REL: variants seen among roughly 807,000 people sequenced by gnomAD.
The protein encoded by REL is REL proto-oncogene, NF-kB subunit, also known as proto-oncogene c-Rel.
A neutral mutation model predicts 45.9 loss-of-function variants in REL; 15 were observed. The observed-to-expected ratio is 0.33, with a 90% CI of 0.22 to 0.50. The LOEUF (loss-of-function observed/expected upper bound fraction) is 0.50, where lower values mean the gene tolerates loss of function less well. REL is among the 20% of genes least tolerant of loss of function. The pLI is 0.98. For synonymous variants in REL, 239 were observed against 242.1 expected, an observed-to-expected ratio of 0.99 and a Z score of 0.12; for missense variants, 601 against 715.2, an observed-to-expected ratio of 0.84 and a Z score of 1.82.
chr2:60,907,725 C>G (rs920055671), intron 4 of REL, among the ~76,000 whole-genome samples: 1 of 150,960 alleles, frequency 6.6e-6, no homozygotes, highest in African/African-American at 2.4e-5. Context: ...GAGTCTCGCT[C>G]TGTTGCCCAG....
At chr2:60,919,821 A>G (rs1674086809) in intron 7 of REL, among the ~76,000 whole-genome samples, 2 of 152,172 alleles carry the variant, frequency 1.3e-5, no homozygotes, top group Admixed American at 6.5e-5. Context: ...TCAGCCTCCC[A>G]AAGTGCTGAG....
In REL at chr2:60,930,552, GAGTTT is replaced by G. The variant is rs1358277912; in HGVS notation, c.*8022_*8026del. The G allele has an allele frequency of 9.2e-5, 14 of 152,394 alleles. No individual in the cohort carries two copies. Among genetic ancestry groups the G allele is most frequent in the Admixed American group, 7.2e-4 (11 of 15,288 alleles). 9.4% of individuals were successfully genotyped at this position (152,394 alleles called of 1,614,324 possible). On this transcript the variant is annotated 3_prime_UTR_variant, in exon 10 of 10. Coordinates refer to ENST00000394479, the MANE Select transcript of REL (RefSeq NM_001291746.2). ...ATATTTTAACTAATACATCTTAGCA[GAGTTT>G]AGTTAAGCACAAAGTTAACAGTGGG...
At chr2:60,892,200 A>T (rs1191372754) in intron 2 of REL, among the ~76,000 whole-genome samples, 1 of 152,192 alleles carries the variant, frequency 6.6e-6, no homozygotes, top group Non-Finnish European at 1.5e-5. Context: ...TAGATTAAAC[A>T]TGGATTTGAG....
intron 4 of REL, among the ~76,000 whole-genome samples, chr2:60,913,320 A>G (rs1673872067): frequency 6.6e-6 from 1 of 152,130 alleles, no homozygotes; most frequent in Admixed American, 6.5e-5. Context: ...GTTATTTAAG[A>G]TAAAATACCA....
chr2:60,909,708 C>T (rs1342658323), intron 4 of REL, among the ~76,000 whole-genome samples: 1 of 152,136 alleles, frequency 6.6e-6, no homozygotes, highest in African/African-American at 2.4e-5. Flanking sequence ...ACAGACCATC[C>T]TGGCCAACAT....
Position 60,923,117 on chromosome 2 carries a change from A to T in REL, c.*582A>T, listed in dbSNP as rs1366698697. 5.4e-6 allele frequency: 1 copy of T among 184,980 alleles called. No homozygotes were observed. The highest frequency in any genetic ancestry group is 6.2e-5 in the Admixed American group (1 of 16,042). 11.5% of individuals were successfully genotyped at this position (184,980 alleles called of 1,614,324 possible). ...ATGTTTTAATGTATTCTTAAATTTC[A>T]AGCAAATTTAAGATAAAACTTGTAA... On this transcript the variant is annotated 3_prime_UTR_variant, in exon 10 of 10. Coordinates refer to ENST00000394479, the MANE Select transcript of REL (RefSeq NM_001291746.2).
rs1573353224 is a variant in REL, at chr2:60,926,741, G to C, written c.*4206G>C. On this transcript the variant is annotated 3_prime_UTR_variant, in exon 10 of 10. Coordinates refer to ENST00000394479, the MANE Select transcript of REL (RefSeq NM_001291746.2). ...CAAGATACTTACTAGGAACCTCAAA[G>C]TATTGTATTCTTTTTCTCCATCACA... The C allele has an allele frequency of 4.4e-6, 1 of 227,572 alleles. No individual in the cohort carries two copies. The highest frequency in any genetic ancestry group is 8.7e-6 in the Non-Finnish European group (1 of 114,552). 14.1% of individuals were successfully genotyped at this position (227,572 alleles called of 1,614,324 possible).
rs962901192 is a variant in REL, at chr2:60,924,047, C to T, written c.*1512C>T. ...TGCTCCTCAAAGCATCAAGTATGCA[C>T]TTGCCTTGGACAGTCTGTACTTGGT... is the stretch of plus-strand genomic sequence containing the variant. On this transcript the variant is annotated 3_prime_UTR_variant, in exon 10 of 10. Coordinates refer to ENST00000394479, the MANE Select transcript of REL (RefSeq NM_001291746.2). The T allele has an allele frequency of 8.6e-6, 2 of 232,456 alleles. No homozygotes were observed. The highest frequency in any genetic ancestry group is 1.7e-5 in the Non-Finnish European group (2 of 117,520). The allele number at this position is 232,456 out of a possible 1,614,324, so 14.4% of individuals were successfully genotyped here.
At chr2:60,882,905 T>C (rs1196081808) in intron 1 of REL, among the ~76,000 whole-genome samples, 2 of 152,192 alleles carry the variant, frequency 1.3e-5, no homozygotes, top group African/African-American at 2.4e-5. Context: ...TGGGGGGGAA[T>C]AAGTTTGTAA....
chr2:60,920,630 T>C lies in REL; in HGVS notation c.979T>C (p.Tyr327His). ...GLLGSIGEGR[Y>H]FKKEPNLFSH... ...CCTCGGTTCAATTGGAGAAGGAAGA[T>C]ACTTCAAAAAAGGTATTTTATTTCC... The change falls in exon 9 of 10, where the codon TAC (tyrosine) becomes CAC (histidine). Residue 327 changes from tyrosine to histidine, a missense_variant. Transcript: ENST00000394479. The C allele has an allele frequency of 1.9e-6, 3 of 1,596,218 alleles. No homozygotes were observed. Among genetic ancestry groups the C allele is most frequent in the Non-Finnish European group, 2.6e-6 (3 of 1,166,056 alleles).
At position 60,922,733 on chromosome 2, in the gene REL, T is replaced by C; in HGVS notation, c.*198T>C. The C allele has an allele frequency of 8.4e-7, 1 of 1,189,230 alleles. No homozygotes were observed. The highest frequency in any genetic ancestry group is 1.0e-6 in the Non-Finnish European group (1 of 959,324). 73.7% of individuals were successfully genotyped at this position (1,189,230 alleles called of 1,614,324 possible). On this transcript the variant is annotated 3_prime_UTR_variant, in exon 10 of 10. Coordinates refer to ENST00000394479, the MANE Select transcript of REL (RefSeq NM_001291746.2). ...ACTTTGGACATAGCGAATACAAAAT[T>C]GGAAGCTGTCATAAAAAGACAACTC...
Position 60,916,998 on chromosome 2 carries a change from G to A in REL, c.516G>A (p.Ser172=), listed in dbSNP as rs562518584. ...NLTTALPPVV[S]NPIYDNRAPN... ...CGACTGCTCTTCCTCCTGTTGTCTC[G>A]AACCCAATTTATGACAACCGTAAGT... is the stretch of plus-strand genomic sequence containing the variant. Residue 172 remains serine, a synonymous_variant, in exon 5 of 10, where the codon TCG becomes TCA. Transcript: ENST00000394479. 1.6e-5 allele frequency: 26 copies of A among 1,612,624 alleles called. No individual in the cohort carries two copies. The East Asian group carries it at 2.2e-4, about 14-fold the overall frequency.
At chr2:60,915,999 C>T (rs1038538112) in intron 4 of REL, among the ~76,000 whole-genome samples, 5 of 152,152 alleles carry the variant, frequency 3.3e-5, no homozygotes. Flanking sequence ...TTATGTACAA[C>T]ACATGTACAA....
chr2:60,917,488 A>G (rs1431500453), intron 5 of REL, among the ~76,000 whole-genome samples: 1 of 150,648 alleles, frequency 6.6e-6, no homozygotes, highest in Non-Finnish European at 1.5e-5. Flanking sequence ...TGGCCTAGCA[A>G]ACTGTACTGC....
chr2:60,914,633 C>T (rs775491876), intron 4 of REL, among the ~76,000 whole-genome samples: 2 of 152,118 alleles, frequency 1.3e-5, no homozygotes, highest in Non-Finnish European at 2.9e-5. Flanking sequence ...CCTAAAATTT[C>T]CCTGGTCCCC....
chr2:60,889,427 C>T (rs536916888), intron 1 of REL, among the ~76,000 whole-genome samples: 1 of 152,206 alleles, frequency 6.6e-6, no homozygotes, highest in African/African-American at 2.4e-5. Context: ...TCATTGTTTT[C>T]AAGAAAGCAT....
intron 1 of REL, among the ~76,000 whole-genome samples, chr2:60,882,649 T>C (rs1672973824): frequency 6.6e-6 from 1 of 151,400 alleles, no homozygotes; most frequent in African/African-American, 2.4e-5. Flanking sequence ...CACTCCAGCC[T>C]GGGCGACAGA....
intron 4 of REL, among the ~76,000 whole-genome samples, chr2:60,901,765 A>C (rs1013239697): frequency 6.6e-6 from 1 of 152,196 alleles, no homozygotes; most frequent in Admixed American, 6.5e-5. Context: ...GAGTGCATTT[A>C]GCTCAAGGGT....
chr2:60,914,841 T>G lies in REL; in HGVS notation c.395-2036T>G, dbSNP rs551818211. ...ACCCATAGCTTGTTTTTTTGTTTTT[T>G]TTTTTTTTTTGAGATGGAGTCTTGC... On this transcript the variant is annotated intron_variant, in intron 4 of 9. Coordinates refer to ENST00000394479, the MANE Select transcript of REL (RefSeq NM_001291746.2). 2.3e-3 allele frequency among the ~76,000 whole-genome samples: 345 copies of G among 151,040 alleles called. 2 individuals carry two copies. The highest frequency in any genetic ancestry group is 6.1e-3 in the African/African-American group (250 of 41,160).
Sources: gnomAD v4.1 joint callset for allele counts (sites outside exome capture counted in the v4.1 genomes callset) on GRCh38, gnomAD v4.1.1 for gene constraint, MANE v1.5 for transcripts, NCBI Gene and HGNC (gene_info 2026-07-23, HGNC 2026-07-21) for gene names.